The following PCCA variants were observed in gnomAD, a reference collection of about 807,000 sequenced individuals.
The protein encoded by PCCA is propionyl-CoA carboxylase alpha chain, mitochondrial.
PCCA carries 74 observed loss-of-function variants against 101.3 expected under a neutral mutation model. That is an observed-to-expected ratio of 0.73 (90% CI 0.61 to 0.89). The LOEUF (loss-of-function observed/expected upper bound fraction) is 0.89. Among genes scored for constraint, PCCA ranks in the 40% least tolerant of loss-of-function variants. The pLI is 0.00. For synonymous variants in PCCA, 294 were observed against 313.6 expected (o/e 0.94, Z 0.66); for missense variants, 891 against 907.0 (o/e 0.98, Z 0.23).
chr13:100,126,038 C>T (rs781163139), intron 4 of PCCA, among the ~76,000 whole-genome samples: 4 of 152,050 alleles, frequency 2.6e-5, no homozygotes, highest in African/African-American at 4.8e-5. Context: ...TGTCTGTGTA[C>T]GAATTGGACA....
At chr13:100,517,268 G>A (rs900634716) in intron 22 of PCCA, among the ~76,000 whole-genome samples, 4 of 152,174 alleles carry the variant, frequency 2.6e-5, no homozygotes, top group African/African-American at 9.7e-5. Context: ...GGCAGTAAAC[G>A]GGGCGCTCCC....
chr13:100,136,827 G>A (rs771035786), intron 4 of PCCA, among the ~76,000 whole-genome samples: 6 of 150,328 alleles, frequency 4.0e-5, no homozygotes, highest in South Asian at 2.2e-4. Flanking sequence ...CAGTTTTATT[G>A]ATGCTTTAGA....
intron 16 of PCCA, among the ~76,000 whole-genome samples, chr13:100,322,717 C>T (rs2068201594): frequency 1.3e-5 from 2 of 152,006 alleles, no homozygotes; most frequent in African/African-American, 4.8e-5. Context: ...ACTATAGGCA[C>T]ATGCCACCAT....
At chr13:100,492,174 G>A (rs3783174) in intron 21 of PCCA, among the ~76,000 whole-genome samples, 36,524 of 151,404 alleles carry the variant, frequency 0.24, 5,163 homozygotes, top group East Asian at 0.55. Context: ...TCGCTTTGTC[G>A]TCCAGGCTGG....
chr13:100,424,036 T>G (rs1009869059), intron 19 of PCCA, among the ~76,000 whole-genome samples: 1 of 152,196 alleles, frequency 6.6e-6, no homozygotes, highest in Non-Finnish European at 1.5e-5. Context: ...TCCAACCAAC[T>G]GCAGATATTT....
intron 19 of PCCA, among the ~76,000 whole-genome samples, chr13:100,385,721 C>G (rs940833972): frequency 2.0e-5 from 3 of 152,136 alleles, no homozygotes; most frequent in African/African-American, 7.2e-5. Flanking sequence ...CTCCTAGGCT[C>G]CAGTGATCCT....
At chr13:100,269,315 G>A (rs1207880557) in intron 11 of PCCA, among the ~76,000 whole-genome samples, 1 of 152,172 alleles carries the variant, frequency 6.6e-6, no homozygotes, top group Non-Finnish European at 1.5e-5. Flanking sequence ...TTTTATTAGA[G>A]GAGAAAGTTG....
chr13:100,429,377 C>G (rs1434573537), intron 20 of PCCA, among the ~76,000 whole-genome samples: 1 of 151,808 alleles, frequency 6.6e-6, no homozygotes, highest in Non-Finnish European at 1.5e-5. Context: ...TGAATATTAC[C>G]AAAGGCATTT....
intron 12 of PCCA, among the ~76,000 whole-genome samples, chr13:100,273,825 G>A (rs1164536675): frequency 6.6e-6 from 1 of 152,300 alleles, no homozygotes; most frequent in Admixed American, 6.5e-5. Context: ...TCAAGTGGCT[G>A]CCCTTGGAAC....
intron 16 of PCCA, among the ~76,000 whole-genome samples, chr13:100,327,642 C>A (rs2068838509): frequency 6.6e-6 from 1 of 152,182 alleles, no homozygotes; most frequent in African/African-American, 2.4e-5. Flanking sequence ...CCAGAAACTG[C>A]CAAACTGTTC....
chr13:100,168,147 C>G (rs1202363740), intron 6 of PCCA, among the ~76,000 whole-genome samples: 1 of 152,142 alleles, frequency 6.6e-6, no homozygotes, highest in Non-Finnish European at 1.5e-5. Context: ...AGTGTTCATT[C>G]TTCAGTTCCA....
Position 100,368,502 on chromosome 13 carries a change from C to T in PCCA, c.1674C>T (p.Asn558=). ...RMPVIKPDIA[N]WELSVKLHDK... is the part of the protein sequence containing the mutation. ...CTGTTATTAAACCAGACATAGCCAA[C>T]TGGGAGCTCTCAGTAAAATTGCATG... The change falls in exon 19 of 24, where the codon AAC becomes AAT. Residue 558 remains asparagine (N), a synonymous_variant. Coordinates refer to ENST00000376285, the MANE Select transcript of PCCA (RefSeq NM_000282.4). The T allele has an allele frequency of 1.2e-6, 2 of 1,608,556 alleles. No individual in the cohort carries two copies. The highest frequency in any genetic ancestry group is 1.7e-6 in the Non-Finnish European group (2 of 1,175,586).
At chr13:100,231,689 T>G (rs2060479843) in intron 7 of PCCA, among the ~76,000 whole-genome samples, 1 of 152,202 alleles carries the variant, frequency 6.6e-6, no homozygotes, top group Non-Finnish European at 1.5e-5. Context: ...CATACAATTT[T>G]AATTTCCCTT....
chr13:100,437,918 C>T (rs1372505214), intron 20 of PCCA, among the ~76,000 whole-genome samples: 1 of 152,120 alleles, frequency 6.6e-6, no homozygotes, highest in East Asian at 1.9e-4. Flanking sequence ...TATCTGCCCG[C>T]CTCAGCCTCC....
chr13:100,489,820 A>C (rs994023085), intron 21 of PCCA: 5 of 152,264 alleles, frequency 3.3e-5, no homozygotes, highest in Non-Finnish European at 7.3e-5. Context: ...GGAGGGGTCC[A>C]AGAATTACGG....
chr13:100,450,887 C>T (rs2081173687), intron 21 of PCCA, among the ~76,000 whole-genome samples: 1 of 152,092 alleles, frequency 6.6e-6, no homozygotes, highest in Non-Finnish European at 1.5e-5. Flanking sequence ...AAATGTATGT[C>T]ATAATATGTT....
At chr13:100,217,861 G>A (rs1418079302) in intron 7 of PCCA, among the ~76,000 whole-genome samples, 1 of 149,474 alleles carries the variant, frequency 6.7e-6, no homozygotes, top group African/African-American at 2.5e-5. Flanking sequence ...TCCATCTGAG[G>A]TCAGGAGTTC....
At chr13:100,261,020 G>A (rs1024549767) in intron 9 of PCCA, among the ~76,000 whole-genome samples, 2 of 152,000 alleles carry the variant, frequency 1.3e-5, no homozygotes. Context: ...TGGACCATTT[G>A]CAACTTAAAG....
intron 16 of PCCA, among the ~76,000 whole-genome samples, chr13:100,324,624 C>G (rs1029855879): frequency 1.3e-5 from 2 of 152,104 alleles, no homozygotes; most frequent in African/African-American, 4.8e-5. Context: ...AGAGACCATA[C>G]CTGGTGCCAT....
Sources: allele counts gnomAD v4.1 joint callset (sites outside exome capture counted in the v4.1 genomes callset), GRCh38; gene constraint gnomAD v4.1.1; transcripts MANE v1.5; gene names NCBI Gene and HGNC (gene_info 2026-07-23, HGNC 2026-07-21).